GALNT13: variants seen among roughly 807,000 people sequenced by gnomAD.
GALNT13 encodes the protein UDP-GalNAc:polypeptide N-acetylgalactosaminyltransferase 13.
GALNT13 carries 28 observed loss-of-function variants against 64.2 expected under a neutral mutation model. The observed-to-expected ratio is 0.44, with a 90% CI of 0.32 to 0.60. The LOEUF (loss-of-function observed/expected upper bound fraction) is 0.60. Among genes scored for constraint, GALNT13 ranks in the 20% least tolerant of loss-of-function variants. GALNT13 has a pLI of 0.05. For synonymous variants in GALNT13, 214 were observed against 224.6 expected (o/e 0.95, Z 0.42); for missense variants, 577 against 669.8 (o/e 0.86, Z 1.53).
chr2:153,734,564 A>G, the GALNT13 span, among the ~76,000 whole-genome samples: 5 of 152,148 alleles, frequency 3.3e-5, no homozygotes, highest in Non-Finnish European at 1.5e-5. Context: ...TTAGATTGGT[A>G]CAAACGTAAT....
chr2:153,181,972 C>A, the GALNT13 span, among the ~76,000 whole-genome samples: 1 of 150,244 alleles, frequency 6.7e-6, no homozygotes, highest in Non-Finnish European at 1.5e-5. Flanking sequence ...TATCCTTAAG[C>A]ATTATTATTT....
intron 3 of GALNT13, among the ~76,000 whole-genome samples, chr2:154,105,406 A>T (rs1192084989): frequency 1.3e-5 from 2 of 152,144 alleles, no homozygotes; most frequent in African/African-American, 4.8e-5. Flanking sequence ...TTATGATTAG[A>T]TATGTTTATA....
At chr2:154,432,900 A>T (rs974590113) in intron 11 of GALNT13, among the ~76,000 whole-genome samples, 1 of 152,174 alleles carries the variant, frequency 6.6e-6, no homozygotes, top group Non-Finnish European at 1.5e-5. Flanking sequence ...AATGGAAAGT[A>T]TCAGAATATG....
At chr2:154,341,498 C>T (rs1171881339) in intron 9 of GALNT13, among the ~76,000 whole-genome samples, 1 of 151,728 alleles carries the variant, frequency 6.6e-6, no homozygotes, top group Non-Finnish European at 1.5e-5. Flanking sequence ...GACTTTGTTA[C>T]AAAAAAAGAT....
chr2:154,196,880 A>G (rs1686906249), intron 4 of GALNT13, among the ~76,000 whole-genome samples: 1 of 152,176 alleles, frequency 6.6e-6, no homozygotes, highest in Admixed American at 6.5e-5. Flanking sequence ...CTAGGTGGTC[A>G]TATATCCTAT....
intron 7 of GALNT13, among the ~76,000 whole-genome samples, chr2:154,251,550 C>T (rs1450647723): frequency 6.6e-6 from 1 of 152,110 alleles, no homozygotes; most frequent in African/African-American, 2.4e-5. Flanking sequence ...GTTTGTGTTT[C>T]ATCGACTCTG....
the GALNT13 span, among the ~76,000 whole-genome samples, chr2:153,224,470 C>T: frequency 5.6e-4 from 79 of 140,474 alleles, no homozygotes; most frequent in African/African-American, 1.8e-3. Context: ...CCCATGTACC[C>T]CCTGAATCTA....
the GALNT13 span, among the ~76,000 whole-genome samples, chr2:153,772,252 T>C: frequency 2.6e-5 from 4 of 152,340 alleles, no homozygotes; most frequent in African/African-American, 7.2e-5. Context: ...TCTATAAGCC[T>C]GAATTGAAAA....
At chr2:153,164,000 C>T in the GALNT13 span, among the ~76,000 whole-genome samples, 2 of 144,698 alleles carry the variant, frequency 1.4e-5, no homozygotes, top group African/African-American at 5.2e-5. Flanking sequence ...CCTGGGCGAC[C>T]GAGCCAGGCT....
chr2:153,256,814 G>C, the GALNT13 span, among the ~76,000 whole-genome samples: 2 of 152,208 alleles, frequency 1.3e-5, no homozygotes, highest in Non-Finnish European at 2.9e-5. Flanking sequence ...CCTGTTCTCA[G>C]ATCTCCAGCT....
chr2:154,370,110 T>TGG (rs1697597184), intron 9 of GALNT13, among the ~76,000 whole-genome samples: 1 of 152,074 alleles, frequency 6.6e-6, no homozygotes, highest in Non-Finnish European at 1.5e-5. Context: ...ATAATCATAT[T>TGG]GGGGGTTAGT....
At chr2:153,096,666 A>G in the GALNT13 span, among the ~76,000 whole-genome samples, 4 of 152,048 alleles carry the variant, frequency 2.6e-5, no homozygotes, top group South Asian at 2.1e-4. Context: ...ATTTTGTCTA[A>G]TGTAAGTATA....
At chr2:154,408,549 A>G (rs956406426) in intron 10 of GALNT13, among the ~76,000 whole-genome samples, 3 of 152,112 alleles carry the variant, frequency 2.0e-5, no homozygotes, top group Non-Finnish European at 4.4e-5. Flanking sequence ...AAGAACATAA[A>G]TTTCAATATT....
chr2:154,281,771 C>T (rs1402856339), intron 8 of GALNT13, among the ~76,000 whole-genome samples: 4 of 152,080 alleles, frequency 2.6e-5, no homozygotes, highest in Non-Finnish European at 5.9e-5. Context: ...AGTCTATACA[C>T]ACCTTTGCAT....
the GALNT13 span, among the ~76,000 whole-genome samples, chr2:153,641,894 TTCTA>T: frequency 6.6e-6 from 1 of 152,072 alleles, no homozygotes; most frequent in Non-Finnish European, 1.5e-5. Context: ...TATCAGTATA[TTCTA>T]TCTCATTCAT....
chr2:153,183,105 G>C, the GALNT13 span, among the ~76,000 whole-genome samples: 2 of 152,196 alleles, frequency 1.3e-5, no homozygotes, highest in Non-Finnish European at 2.9e-5. Flanking sequence ...CAGTGTAAAA[G>C]TGTTCCTTTT....
chr2:153,897,017 C>G (rs6750126), intron 1 of GALNT13, among the ~76,000 whole-genome samples: 37,031 of 151,926 alleles, frequency 0.24, 4,775 homozygotes, highest in Non-Finnish European at 0.28. Context: ...TGTGCTTTCT[C>G]TCTATGTGCT....
the GALNT13 span, among the ~76,000 whole-genome samples, chr2:153,263,779 C>G: frequency 1.6e-4 from 25 of 152,224 alleles, no homozygotes; most frequent in Admixed American, 9.2e-4. Flanking sequence ...TTCCTTACAC[C>G]TTATACAAAA....
chr2:153,886,465 C>T (rs535998926), intron 1 of GALNT13, among the ~76,000 whole-genome samples: 9 of 150,712 alleles, frequency 6.0e-5, no homozygotes, highest in East Asian at 5.9e-4. Context: ...CCATAAAAAG[C>T]GATGAGTTCA....
Sources: allele counts gnomAD v4.1 joint callset (sites outside exome capture counted in the v4.1 genomes callset), GRCh38; gene constraint gnomAD v4.1.1; transcripts MANE v1.5; gene names NCBI Gene and HGNC (gene_info 2026-07-23, HGNC 2026-07-21).